OTOG: variants seen among roughly 807,000 people sequenced by gnomAD.
OTOG encodes the protein otogelin.
In OTOG, 296 loss-of-function variants were observed where a neutral mutation model predicts 313.8. The ratio of observed to expected loss-of-function variants is 0.94; its 90% CI spans 0.86 to 1.04. The LOEUF is 1.04. OTOG is among the 50% of genes least tolerant of loss of function. The probability of loss-of-function intolerance (pLI) is 0.00; values close to 1 mark genes in which losing one functional copy is unlikely to be tolerated. For synonymous variants in OTOG, 1,533 were observed against 1,554.9 expected (o/e 0.99, Z 0.33); for missense variants, 3,948 against 3,840.1 (o/e 1.03, Z -0.74).
intron 40 of OTOG, 78 bp downstream of exon 40, chr11:17,629,394 C>T (rs753539498): frequency 3.9e-5 from 56 of 1,428,444 alleles, no homozygotes; most frequent in Non-Finnish European, 4.9e-5. Context: ...CCTCCTGGAG[C>T]AGGAAAGGCT....
Position 17,640,987 on chromosome 11 carries a change from G to C in OTOG, c.8086G>C (p.Asp2696His). Reference protein sequence around the residue: ...PGQTVVELSADGVCHTSRCTT... With the variant: ...PGQTVVELSAHGVCHTSRCTT... ...CCAGACAGTGGTGGAGCTCTCAGCA[G>C]ATGGCGTGTGCCACACCTCCCGCTG... Residue 2696 changes from aspartate (D) to histidine (H), a missense_variant, in exon 51 of 56, where the codon GAT becomes CAT. Asp to His is a moderately conservative substitution (Grantham distance 81, BLOSUM62 -1). Transcript: ENST00000399397. 1 of 1,548,528 alleles carries C rather than the reference G, an allele frequency of 6.5e-7. No homozygotes were observed. Among genetic ancestry groups the C allele is most frequent in the Non-Finnish European group, 8.7e-7 (1 of 1,146,980 alleles).
intron 32 of OTOG, among the ~76,000 whole-genome samples, chr11:17,602,636 C>A (rs1325839262): frequency 6.6e-6 from 1 of 152,130 alleles, no homozygotes; most frequent in East Asian, 1.9e-4. Flanking sequence ...TAGCTGTGTT[C>A]CAGAAAAGCC....
rs2133709842 is a variant in OTOG at position 17,635,155 on chromosome 11, TG to T, written c.7666del (p.Asp2556ThrfsTer116). On this transcript the variant is annotated frameshift_variant, in exon 46 of 56. Transcript: ENST00000399397. LOFTEE classifies it high-confidence loss of function. ...RQDQILITGR[L>X]GDSCCTSYFC... ...GACCAGATCCTGATCACGGGCCGCC[TG>T]GGGGACTCCTGCTGCACCTCCTACT... 7.8e-6 allele frequency: 12 copies of T among 1,546,612 alleles called. No homozygotes were observed. The highest frequency in any genetic ancestry group is 9.6e-6 in the Non-Finnish European group (11 of 1,146,092).
At chr11:17,617,604 C>T (rs942397916) in intron 39 of OTOG, among the ~76,000 whole-genome samples, 3 of 152,146 alleles carry the variant, frequency 2.0e-5, no homozygotes, top group African/African-American at 7.2e-5. Flanking sequence ...AGTTGTTCAT[C>T]ATATATTCTT....
intron 22 of OTOG, among the ~76,000 whole-genome samples, chr11:17,577,326 CTT>C (rs1160207333): frequency 2.0e-5 from 3 of 152,070 alleles, no homozygotes; most frequent in Non-Finnish European, 2.9e-5. Context: ...ACAGCCTGGG[CTT>C]TTGAGACCCT....
At chr11:17,599,768 C>T (rs1853201413) in intron 31 of OTOG, 71 bp downstream of exon 31, 1 of 1,501,854 alleles carries the variant, frequency 6.7e-7, no homozygotes, top group South Asian at 1.2e-5. Context: ...CGCCACACAG[C>T]ATCAGCCATC....
chr11:17,643,986 C>T (rs554870240), intron 54 of OTOG, among the ~76,000 whole-genome samples: 3 of 152,350 alleles, frequency 2.0e-5, no homozygotes, highest in African/African-American at 4.8e-5. Context: ...GTACTCCTCT[C>T]GGAAGCCCAC....
chr11:17,555,615 T>C lies in OTOG; in HGVS notation c.541-164T>C, dbSNP rs921909499. The C allele has an allele frequency of 8.7e-6, 5 of 574,090 alleles. No homozygotes were observed. In the Admixed American group the frequency reaches 1.5e-4, roughly 17 times the overall value. The allele number at this position is 574,090 out of a possible 1,614,324, so 35.6% of individuals were successfully genotyped here. ...TCACTTCACCTCTCTGTGAATCCATTGCCTCCCCTCTGTGATGTATGGGGA... is the reference window on the plus strand; with the variant it reads ...TCACTTCACCTCTCTGTGAATCCATCGCCTCCCCTCTGTGATGTATGGGGA... On this transcript the variant is annotated intron_variant, in intron 6 of 55. Transcript: ENST00000399397.
chr11:17,637,155 T>C (rs1352388738), intron 47 of OTOG, among the ~76,000 whole-genome samples: 3 of 152,220 alleles, frequency 2.0e-5, no homozygotes, highest in South Asian at 4.1e-4. Flanking sequence ...TGGATACATA[T>C]CCTTCCAGAT....
intron 39 of OTOG, among the ~76,000 whole-genome samples, chr11:17,618,315 T>C (rs1203416968): frequency 2.0e-5 from 3 of 152,240 alleles, no homozygotes; most frequent in Non-Finnish European, 4.4e-5. Flanking sequence ...CAAAATACTT[T>C]TAAATATCCC....
Position 17,609,842 on chromosome 11 carries a change from A to G in OTOG, c.4542A>G (p.Thr1514=), listed in dbSNP as rs1311063800. 4 of 1,522,730 alleles carry G rather than the reference A, an allele frequency of 2.6e-6. No homozygotes were observed. In the South Asian group the frequency reaches 5.0e-5, roughly 19 times the overall value. 94.3% of individuals were successfully genotyped at this position (1,522,730 alleles called of 1,614,324 possible). ...CCACAGCCCTGAACCCACCAGTGAC[A>G]GCCACTGAGGAGCCAGTGGTGTCTC... ...PLTTALNPPV[T]ATEEPVVSPG... Residue 1514 remains threonine (T), a synonymous_variant, in exon 36 of 56, where the codon ACA becomes ACG. Transcript: ENST00000399397.
intron 35 of OTOG, 64 bp downstream of exon 35, chr11:17,609,273 G>A: frequency 7.0e-7 from 1 of 1,437,562 alleles, no homozygotes. Context: ...GTCTCACTGA[G>A]CAGTCATGCC....
At chr11:17,625,586 G>C (rs79389163) in intron 39 of OTOG, among the ~76,000 whole-genome samples, 1,887 of 152,202 alleles carry the variant, frequency 0.012, 36 homozygotes, top group African/African-American at 0.043. Context: ...TTGCATCACT[G>C]TTCATGTCTT....
chr11:17,572,188 T>C lies in OTOG; in HGVS notation c.2064T>C (p.Asp688=), dbSNP rs569465367. The C allele has an allele frequency of 3.2e-6, 5 of 1,550,248 alleles. 1 individual carries two copies. The African/African-American group carries it at 6.9e-5, about 21-fold the overall frequency. ...CTGGCTCCCCTCTGGACCCCTGCGA[T>C]GTGCACCTGCAAGCCGGTGAGTTGG... The part of the protein sequence containing the change: ...LVSGSPLDPC[D]VHLQAASYSV... The change falls in exon 18 of 56, where the codon GAT becomes GAC. Residue 688 remains aspartate (D), a synonymous_variant. Transcript: ENST00000399397.
In OTOG at chr11:17,645,705, T is replaced by C. The variant is rs779400028; in HGVS notation, c.8542-39T>C. 7 of 1,550,652 alleles carry C rather than the reference T, an allele frequency of 4.5e-6. No individual in the cohort carries two copies. In the South Asian group the frequency reaches 7.1e-5, roughly 16 times the overall value. ...ATGGGATGGAGGGGGTTTGGGGGTG[T>C]GAGCACCACAGACTGCCTCACTGGC... On this transcript the variant is annotated intron_variant, in intron 55 of 55. Transcript: ENST00000399397.
chr11:17,629,378 A>T lies in OTOG; in HGVS notation c.6712+62A>T. The T allele has an allele frequency of 2.7e-6, 4 of 1,466,626 alleles. No homozygotes were observed. In the South Asian group the frequency reaches 4.0e-5, roughly 15 times the overall value. 90.9% of individuals were successfully genotyped at this position (1,466,626 alleles called of 1,614,324 possible). A position where few individuals can be genotyped will look rare whatever the true frequency, so the allele number is the denominator to read the frequency against. The stretch of plus-strand genomic sequence containing the variant: ...CCCAGGTCCACCTCTGCCCCCACAC[A>T]TAATTCCTCCTGGAGCAGGAAAGGC... On this transcript the variant is annotated intron_variant, in intron 40 of 55. Coordinates refer to ENST00000399397, the MANE Select transcript of OTOG (RefSeq NM_001292063.2).
chr11:17,645,617 A>G lies in OTOG; in HGVS notation c.8515A>G (p.Lys2839Glu), dbSNP rs764244888. 7 of 1,550,556 alleles carry G rather than the reference A, an allele frequency of 4.5e-6. No homozygotes were observed. Among genetic ancestry groups the G allele is most frequent in the South Asian group, 1.2e-5 (1 of 84,066 alleles). Reference protein sequence around the residue: ...KKVTIRMTIRKNECRSSTPVN... With the variant: ...KKVTIRMTIRENECRSSTPVN... ...GGTGACCATCCGCATGACCATCCGC[A>G]AGAATGAATGCAGGAGCAGCACCCC... The change falls in exon 55 of 56, where the codon AAG (lysine) becomes GAG (glutamate). Residue 2839 changes from lysine (K) to glutamate (E), a missense_variant. Transcript: ENST00000399397.
intron 42 of OTOG, among the ~76,000 whole-genome samples, chr11:17,633,331 A>G (rs1422823262): frequency 1.3e-5 from 2 of 152,268 alleles, no homozygotes; most frequent in Non-Finnish European, 2.9e-5. Flanking sequence ...GAAAGTAAGT[A>G]TTTGATGACT....
At position 17,609,572 on chromosome 11, in the gene OTOG, G is replaced by T. The variant is rs1473463229; in HGVS notation, c.4355-83G>T. The T allele has an allele frequency of 1.2e-5, 15 of 1,260,862 alleles. No individual in the cohort carries two copies. In the Admixed American group the frequency reaches 2.3e-4, roughly 19 times the overall value. 78.1% of individuals were successfully genotyped at this position (1,260,862 alleles called of 1,614,324 possible). A position where few individuals can be genotyped will look rare whatever the true frequency, so the allele number is the denominator to read the frequency against. On this transcript the variant is annotated intron_variant, in intron 35 of 55. Coordinates refer to ENST00000399397, the MANE Select transcript of OTOG (RefSeq NM_001292063.2). ...CATCACCGAGAGTGCCAGTCCTCAA[G>T]CCTCACACCACAGCCCTGCCCAGCA...
Sources: allele counts gnomAD v4.1 joint callset (sites outside exome capture counted in the v4.1 genomes callset), GRCh38; gene constraint gnomAD v4.1.1; transcripts MANE v1.5; gene names NCBI Gene and HGNC (gene_info 2026-07-23, HGNC 2026-07-21).